The following ZNF385B variants were observed in gnomAD, a reference collection of about 807,000 sequenced individuals.
ZNF385B encodes the protein zinc finger protein 533.
A neutral mutation model predicts 39.2 loss-of-function variants in ZNF385B; 23 were observed. The observed-to-expected ratio is 0.59, with a 90% CI of 0.42 to 0.83. The LOEUF is 0.83. ZNF385B is among the 40% of genes least tolerant of loss of function. ZNF385B has a pLI of 0.00. For missense variants in ZNF385B, 552 were observed against 598.9 expected (o/e 0.92, Z 0.82); for synonymous variants, 205 against 222.6 (o/e 0.92, Z 0.70).
intron 2 of ZNF385B, among the ~76,000 whole-genome samples, chr2:179,770,261 T>C (rs768999412): frequency 2.6e-5 from 4 of 152,222 alleles, no homozygotes; most frequent in Non-Finnish European, 5.9e-5. Context: ...TGTCTCCCCA[T>C]TACAGTATGA....
At chr2:179,778,306 G>C (rs144613714) in intron 1 of ZNF385B, among the ~76,000 whole-genome samples, 2,242 of 152,236 alleles carry the variant, frequency 0.015, 20 homozygotes, top group Middle Eastern at 0.031. Flanking sequence ...TAAAAACCTG[G>C]GCAAGGGCAG....
At chr2:179,746,119 GC>G in intron 3 of ZNF385B, 1 of 817,932 alleles carries the variant, frequency 1.2e-6, no homozygotes, top group Non-Finnish European at 1.5e-6. Context: ...CATGAAATCA[GC>G]CACTGTGATC....
intron 3 of ZNF385B, among the ~76,000 whole-genome samples, chr2:179,757,231 C>T (rs970685054): frequency 2.6e-5 from 4 of 152,230 alleles, no homozygotes; most frequent in South Asian, 4.1e-4. Context: ...AGGTCCACTC[C>T]AGACCCTGTT....
At chr2:179,457,214 A>AT (rs1305019730) in intron 6 of ZNF385B, among the ~76,000 whole-genome samples, 1 of 152,124 alleles carries the variant, frequency 6.6e-6, no homozygotes, top group Non-Finnish European at 1.5e-5. Context: ...ACAGAAGGAT[A>AT]TTTTTTCACT....
intron 3 of ZNF385B, among the ~76,000 whole-genome samples, chr2:179,753,379 C>T (rs899673928): frequency 6.6e-6 from 1 of 152,162 alleles, no homozygotes; most frequent in South Asian, 2.1e-4. Flanking sequence ...CGTGATGCCT[C>T]CAGCTTTGCT....
At chr2:179,454,304 T>G (rs2050455495) in intron 6 of ZNF385B, among the ~76,000 whole-genome samples, 1 of 152,274 alleles carries the variant, frequency 6.6e-6, no homozygotes, top group East Asian at 1.9e-4. Context: ...TGTCATGATG[T>G]TGTAGTGCAA....
At chr2:179,860,767 T>A (rs897582353) in intron 1 of ZNF385B, 4 of 460,392 alleles carry the variant, frequency 8.7e-6, no homozygotes, top group Non-Finnish European at 1.8e-5. Flanking sequence ...CGGGGCACTC[T>A]CCTCGTCCTT....
At chr2:179,785,851 T>A (rs1266870341) in intron 1 of ZNF385B, among the ~76,000 whole-genome samples, 1 of 152,178 alleles carries the variant, frequency 6.6e-6, no homozygotes, top group African/African-American at 2.4e-5. Flanking sequence ...ATTTACCTGA[T>A]AAAGCAGCAG....
intron 5 of ZNF385B, among the ~76,000 whole-genome samples, chr2:179,493,709 A>ATATGTG (rs2055686002): frequency 2.2e-5 from 2 of 92,006 alleles, no homozygotes; most frequent in African/African-American, 3.4e-5. Context: ...ATATGTATAC[A>ATATGTG]CATATGCATA....
intron 3 of ZNF385B, among the ~76,000 whole-genome samples, chr2:179,760,551 G>A (rs1327257726): frequency 6.6e-6 from 1 of 152,082 alleles, no homozygotes; most frequent in Non-Finnish European, 1.5e-5. Context: ...TAGTACAGAT[G>A]TACCACAATT....
intron 3 of ZNF385B, among the ~76,000 whole-genome samples, chr2:179,717,147 T>A (rs937545366): frequency 6.6e-6 from 1 of 152,092 alleles, no homozygotes; most frequent in African/African-American, 2.4e-5. Flanking sequence ...CAAAAAAAAA[T>A]TAGAACAAAA....
chr2:179,511,654 C>T (rs1212039836), intron 5 of ZNF385B, among the ~76,000 whole-genome samples: 2 of 152,180 alleles, frequency 1.3e-5, no homozygotes, highest in Non-Finnish European at 2.9e-5. Flanking sequence ...ACAGTCAGGT[C>T]ACCCACAGAA....
Position 179,647,631 on chromosome 2 carries a change from G to A in ZNF385B, c.299-102662C>T, listed in dbSNP as rs187542449. Among the ~76,000 whole-genome samples the A allele has an allele frequency of 7.0e-4, 106 of 152,286 alleles. 1 individual carries two copies. Among genetic ancestry groups the A allele is most frequent in the African/African-American group, 2.4e-3 (98 of 41,550 alleles). On this transcript the variant is annotated intron_variant, in intron 3 of 9. Transcript: ENST00000410066. ...TGGCTAGGAGTTCCCAGGGATAGGG[G>A]AAACCAGGAGAAGATATTCAAGTAT...
At chr2:179,732,097 C>G (rs1701431129) in intron 3 of ZNF385B, among the ~76,000 whole-genome samples, 1 of 152,198 alleles carries the variant, frequency 6.6e-6, no homozygotes, top group Non-Finnish European at 1.5e-5. Context: ...GTCTCTGAAC[C>G]TATTAAAACT....
intron 3 of ZNF385B, among the ~76,000 whole-genome samples, chr2:179,726,008 T>C (rs1257568467): frequency 6.6e-6 from 1 of 151,376 alleles, no homozygotes; most frequent in Admixed American, 6.6e-5. Context: ...AGATCTACAG[T>C]GTTCTTAAAA....
At chr2:179,513,857 A>G (rs2105786134) in intron 5 of ZNF385B, among the ~76,000 whole-genome samples, 1 of 152,320 alleles carries the variant, frequency 6.6e-6, no homozygotes, top group East Asian at 1.9e-4. Context: ...ATAATATAAT[A>G]GGAAGAGCTG....
At chr2:179,563,729 C>G (rs1045793675) in intron 3 of ZNF385B, among the ~76,000 whole-genome samples, 2 of 152,080 alleles carry the variant, frequency 1.3e-5, no homozygotes, top group Admixed American at 6.6e-5. Context: ...ATACTTACTT[C>G]CCCCCAAATA....
At chr2:179,814,004 C>T (rs768977805) in intron 1 of ZNF385B, among the ~76,000 whole-genome samples, 10 of 152,188 alleles carry the variant, frequency 6.6e-5, no homozygotes, top group Non-Finnish European at 1.2e-4. Context: ...CATAGCATAA[C>T]CACAGTATCA....
At position 179,760,886 on chromosome 2, in the gene ZNF385B, C is replaced by T. The variant is rs186715707; in HGVS notation, c.298+8617G>A. ...ATTTTTATGTTTTTTACATTTAAATCTATAATTCACTTTGAGTTAATATTT... is the reference window on the plus strand; with the variant it reads ...ATTTTTATGTTTTTTACATTTAAATTTATAATTCACTTTGAGTTAATATTT... On this transcript the variant is annotated intron_variant, in intron 3 of 9. Coordinates refer to ENST00000410066, the MANE Select transcript of ZNF385B (RefSeq NM_152520.6). Among the ~76,000 whole-genome samples, 466 of 152,264 alleles carry T rather than the reference C, an allele frequency of 3.1e-3. 2 individuals carry two copies. The highest frequency in any genetic ancestry group is 0.01 in the African/African-American group (422 of 41,548).
Sources: allele counts gnomAD v4.1 joint callset (sites outside exome capture counted in the v4.1 genomes callset), GRCh38; gene constraint gnomAD v4.1.1; transcripts MANE v1.5; gene names NCBI Gene and HGNC (gene_info 2026-07-23, HGNC 2026-07-21).